PI15: variants seen among roughly 807,000 people sequenced by gnomAD.
PI15 encodes 25 kDa trypsin inhibitor.
A neutral mutation model predicts 31.0 loss-of-function variants in PI15; 18 were observed. The observed-to-expected ratio is 0.58, with a 90% CI of 0.40 to 0.86. The LOEUF (loss-of-function observed/expected upper bound fraction) is 0.86, where lower values mean the gene tolerates loss of function less well. Ranked by LOEUF, PI15 falls within the 40% of genes least tolerant of loss-of-function variation. PI15 has a pLI of 0.00. For synonymous variants in PI15, 118 were observed against 119.1 expected, an observed-to-expected ratio of 0.99 and a Z score of 0.06; for missense variants, 282 against 328.1, an observed-to-expected ratio of 0.86 and a Z score of 1.09.
rs1811155255 is a variant in PI15, at chr8:74,854,660, C to T, written c.*5407C>T. ...ACTGTGCTAAGCTGGTGCTTGGATA[C>T]ATATTACAGCATCTTGTGTTTTATT... On this transcript the variant is annotated 3_prime_UTR_variant, in exon 6 of 6. Transcript: ENST00000260113. The T allele has an allele frequency of 6.6e-6, 1 of 152,104 alleles. No individual in the cohort carries two copies. The allele number at this position is 152,104 out of a possible 1,614,324, so 9.4% of individuals were successfully genotyped here.
intron 2 of PI15, among the ~76,000 whole-genome samples, chr8:74,838,064 A>G (rs1021386424): frequency 6.6e-6 from 1 of 152,074 alleles, no homozygotes; most frequent in African/African-American, 2.4e-5. Context: ...AATTTCTTAA[A>G]CTGCATGTAT....
intron 2 of PI15, among the ~76,000 whole-genome samples, chr8:74,827,680 G>A (rs1321583184): frequency 6.6e-6 from 1 of 152,168 alleles, no homozygotes; most frequent in Non-Finnish European, 1.5e-5. Context: ...CTCATTTGCT[G>A]CATTGAGGAA....
At chr8:74,824,801 A>G (rs113984740) in intron 1 of PI15, 126 bp downstream of exon 1, 1 of 171,178 alleles carries the variant, frequency 5.8e-6, no homozygotes, top group African/African-American at 2.4e-5. Flanking sequence ...TGGTGTGTCT[A>G]TATGTCTGGC....
At position 74,853,717 on chromosome 8, in the gene PI15, T is replaced by A. The variant is rs992641815; in HGVS notation, c.*4464T>A. On this transcript the variant is annotated 3_prime_UTR_variant, in exon 6 of 6. Transcript: ENST00000260113. ...TATGTTTCCTACATCTGACAGCACC[T>A]AAAATGTTTGATAATATTAACATGT... 1 of 152,480 alleles carries A rather than the reference T, an allele frequency of 6.6e-6. No homozygotes were observed. The highest frequency in any genetic ancestry group is 2.4e-5 in the African/African-American group (1 of 41,420). 9.4% of individuals were successfully genotyped at this position (152,480 alleles called of 1,614,324 possible).
intron 3 of PI15, among the ~76,000 whole-genome samples, chr8:74,844,436 TG>T (rs1810992019): frequency 1.5e-5 from 2 of 137,170 alleles, no homozygotes; most frequent in African/African-American, 6.2e-5. Context: ...GCTGTGTGTG[TG>T]TGTGTGTGTG....
At chr8:74,844,135 TGGCTTTA>T (rs1810986836) in intron 3 of PI15, 36 bp downstream of exon 3, 1 of 909,308 alleles carries the variant, frequency 1.1e-6, no homozygotes, top group African/African-American at 1.6e-5. Flanking sequence ...TTCATCCACA[TGGCTTTA>T]TTAATTATGG....
chr8:74,842,944 A>G (rs1810965240), intron 2 of PI15, among the ~76,000 whole-genome samples: 2 of 152,282 alleles, frequency 1.3e-5, no homozygotes, highest in South Asian at 4.1e-4. Context: ...TTTCTAGTTT[A>G]TACCAACAAG....
intron 2 of PI15, among the ~76,000 whole-genome samples, chr8:74,831,501 G>A (rs75296744): frequency 2.8e-4 from 42 of 152,194 alleles, no homozygotes; most frequent in African/African-American, 9.4e-4. Context: ...GCTCTGGGGG[G>A]CAAGAGTTGT....
intron 2 of PI15, among the ~76,000 whole-genome samples, chr8:74,830,002 G>A (rs908693320): frequency 6.6e-6 from 1 of 152,136 alleles, no homozygotes; most frequent in African/African-American, 2.4e-5. Context: ...AGATTTTAGA[G>A]AAGGATTAGG....
chr8:74,827,626 G>C (rs970171044), intron 2 of PI15, among the ~76,000 whole-genome samples: 2 of 152,144 alleles, frequency 1.3e-5, no homozygotes, highest in African/African-American at 4.8e-5. Context: ...TAGAATTTAG[G>C]TCTGTGTAAT....
intron 2 of PI15, among the ~76,000 whole-genome samples, chr8:74,830,397 A>G (rs1439013223): frequency 6.6e-6 from 1 of 152,174 alleles, no homozygotes; most frequent in Non-Finnish European, 1.5e-5. Flanking sequence ...AGAGCTACAG[A>G]TATAAGGTTT....
rs1586962350 is a variant in PI15 at position 74,854,386 on chromosome 8, T to C, written c.*5133T>C. The C allele has an allele frequency of 6.6e-6, 1 of 152,104 alleles. No homozygotes were observed. The highest frequency in any genetic ancestry group is 6.5e-5 in the Admixed American group (1 of 15,268). The allele number at this position is 152,104 out of a possible 1,614,324, so 9.4% of individuals were successfully genotyped here. A position where few individuals can be genotyped will look rare whatever the true frequency, so the allele number is the denominator to read the frequency against. Reference sequence around the variant, plus strand: ...ACATGCAAAACTCCAACCTGTAGTATACATAAAATGGACTTACTTATTCCT... The same window carrying C: ...ACATGCAAAACTCCAACCTGTAGTACACATAAAATGGACTTACTTATTCCT... On this transcript the variant is annotated 3_prime_UTR_variant, in exon 6 of 6. Transcript: ENST00000260113.
rs772197197 is a variant in PI15, at chr8:74,825,401, C to T, written c.152C>T (p.Ala51Val). The change falls in exon 2 of 6, where the codon GCG becomes GTG. Residue 51 changes from alanine (A) to valine (V), a missense_variant. Ala to Val is a moderately conservative substitution (Grantham distance 64). Coordinates refer to ENST00000260113, the MANE Select transcript of PI15 (RefSeq NM_015886.5). ...EAALKAQLDSADIPKARRKRY... is the reference protein window; with the variant it reads ...EAALKAQLDSVDIPKARRKRY... ...GCTCTGAAAGCACAATTAGATTCAG[C>T]GGATATCCCCAAAGCCAGGCGGAAG... The T allele has an allele frequency of 2.3e-5, 37 of 1,613,076 alleles. No individual in the cohort carries two copies. Among genetic ancestry groups the T allele is most frequent in the African/African-American group, 2.7e-5 (2 of 74,848 alleles).
intron 2 of PI15, among the ~76,000 whole-genome samples, chr8:74,832,351 T>G (rs1810794848): frequency 1.3e-5 from 2 of 152,038 alleles, no homozygotes; most frequent in Admixed American, 1.3e-4. Flanking sequence ...AAAAAGTAGC[T>G]AGTGTGGGGG....
intron 5 of PI15, 86 bp downstream of exon 5, chr8:74,845,583 G>C: frequency 1.2e-6 from 1 of 819,634 alleles, no homozygotes; most frequent in Non-Finnish European, 2.1e-6. Flanking sequence ...ACAGGTAAGT[G>C]AGTAAGGCTT....
intron 2 of PI15, among the ~76,000 whole-genome samples, chr8:74,829,384 G>C (rs185090208): frequency 2.0e-5 from 3 of 151,872 alleles, no homozygotes; most frequent in Non-Finnish European, 2.9e-5. Flanking sequence ...ACTATTTCCA[G>C]AGCTTCTTGC....
chr8:74,840,566 T>C (rs1291976299), intron 2 of PI15, among the ~76,000 whole-genome samples: 2 of 152,210 alleles, frequency 1.3e-5, no homozygotes. Context: ...TACCAGAGGA[T>C]ATGATGTAAT....
chr8:74,849,027 T>A (rs1811066156), intron 5 of PI15, 91 bp from the exon 6 acceptor site: 2 of 1,076,202 alleles, frequency 1.9e-6, no homozygotes, highest in Admixed American at 4.7e-5. Flanking sequence ...TCATCACATG[T>A]CAATACTTGT....
intron 2 of PI15, among the ~76,000 whole-genome samples, chr8:74,833,639 C>T (rs1168061196): frequency 6.6e-6 from 1 of 152,118 alleles, no homozygotes; most frequent in Non-Finnish European, 1.5e-5. Flanking sequence ...TACACCTTTG[C>T]CCTGCTAGAG....
Sources: gnomAD v4.1 joint callset for allele counts (sites outside exome capture counted in the v4.1 genomes callset) on GRCh38, gnomAD v4.1.1 for gene constraint, MANE v1.5 for transcripts, NCBI Gene and HGNC (gene_info 2026-07-23, HGNC 2026-07-21) for gene names.